ADCY2: variants seen among roughly 807,000 people sequenced by gnomAD.
The protein encoded by ADCY2 is adenylate cyclase 2, also known as adenylate cyclase type 2.
Under a neutral mutation model 125.2 loss-of-function variants are expected in ADCY2, and 31 were observed. The ratio of observed to expected loss-of-function variants is 0.25; its 90% CI spans 0.19 to 0.33. ADCY2 has a LOEUF of 0.33. ADCY2 is among the 10% of genes least tolerant of loss of function. The pLI, the probability that ADCY2 is intolerant of heterozygous loss-of-function variation, is 1.00. For missense variants in ADCY2, 904 were observed against 1,418.2 expected, an observed-to-expected ratio of 0.64 and a Z score of 5.82; for synonymous variants, 512 against 548.4, an observed-to-expected ratio of 0.93 and a Z score of 0.93.
intron 17 of ADCY2, among the ~76,000 whole-genome samples, chr5:7,769,208 C>T (rs182889828): frequency 6.6e-6 from 1 of 151,858 alleles, no homozygotes; most frequent in Admixed American, 6.6e-5. Context: ...AAAGGTTTAC[C>T]AAAAACATGT....
chr5:7,506,143 G>A (rs1743804993), intron 2 of ADCY2, among the ~76,000 whole-genome samples: 1 of 152,092 alleles, frequency 6.6e-6, no homozygotes, highest in Non-Finnish European at 1.5e-5. Flanking sequence ...ATAGAAATAA[G>A]GTAGTATTTG....
At chr5:7,498,935 A>G (rs917845439) in intron 2 of ADCY2, among the ~76,000 whole-genome samples, 2 of 152,194 alleles carry the variant, frequency 1.3e-5, no homozygotes, top group African/African-American at 4.8e-5. Flanking sequence ...AAAAGGATAT[A>G]TGTTGTATGA....
At chr5:7,603,273 G>A (rs1737275822) in intron 3 of ADCY2, among the ~76,000 whole-genome samples, 2 of 152,160 alleles carry the variant, frequency 1.3e-5, no homozygotes, top group South Asian at 2.1e-4. Flanking sequence ...GAGGTAGCCA[G>A]GTAGAAGGGG....
At chr5:7,627,329 T>G (rs1394146469) in intron 4 of ADCY2, among the ~76,000 whole-genome samples, 4 of 152,144 alleles carry the variant, frequency 2.6e-5, no homozygotes, top group Non-Finnish European at 5.9e-5. Context: ...AGGAGATGTG[T>G]GGGGACCAAG....
At chr5:7,569,648 C>G (rs1368616878) in intron 3 of ADCY2, among the ~76,000 whole-genome samples, 5 of 152,082 alleles carry the variant, frequency 3.3e-5, no homozygotes, top group African/African-American at 1.2e-4. Flanking sequence ...AAGACTTTTT[C>G]ATATTCCATT....
At chr5:7,685,571 G>A (rs969166562) in intron 4 of ADCY2, among the ~76,000 whole-genome samples, 5 of 152,214 alleles carry the variant, frequency 3.3e-5, no homozygotes, top group Non-Finnish European at 7.3e-5. Flanking sequence ...AATAGTAAGA[G>A]TAAGAGTTTT....
intron 7 of ADCY2, among the ~76,000 whole-genome samples, chr5:7,704,793 G>T (rs1412640910): frequency 6.6e-6 from 1 of 151,822 alleles, no homozygotes; most frequent in Non-Finnish European, 1.5e-5. Flanking sequence ...CAGGAGAATG[G>T]CGTGAACCCG....
intron 14 of ADCY2, among the ~76,000 whole-genome samples, chr5:7,733,184 AATG>A (rs1304869648): frequency 6.6e-6 from 1 of 152,214 alleles, no homozygotes; most frequent in Non-Finnish European, 1.5e-5. Flanking sequence ...AACTAAGAAT[AATG>A]ATGTTTTACT....
Position 7,727,281 on chromosome 5 carries a change from A to C in ADCY2, c.1871+20A>C. 6.2e-7 allele frequency: 1 copy of C among 1,602,542 alleles called. No individual in the cohort carries two copies. The highest frequency in any genetic ancestry group is 8.5e-7 in the Non-Finnish European group (1 of 1,170,012). On this transcript the variant is annotated intron_variant, in intron 14 of 24. Transcript: ENST00000338316. ...GCCAAAGTAAGTACTTCTGGTTTCC[A>C]CTGGGATTCTCACCTGGGGTGCCTT...
At position 7,426,043 on chromosome 5, in the gene ADCY2, C is replaced by A. The variant is rs148640907; in HGVS notation, c.408+11273C>A. Among the ~76,000 whole-genome samples, 77 of 152,200 alleles carry A rather than the reference C, an allele frequency of 5.1e-4. 1 individual carries two copies. In the South Asian group the frequency reaches 6.4e-3, roughly 13 times the overall value. On this transcript the variant is annotated intron_variant, in intron 2 of 24. Coordinates refer to ENST00000338316, the MANE Select transcript of ADCY2 (RefSeq NM_020546.3). ...GAGAAACAAGCATGTGACTCAGAGG[C>A]GAGGTAGTAAAGTCCCTGGAAGAGT... is the stretch of plus-strand genomic sequence containing the variant.
At chr5:7,554,780 G>A (rs1431318003) in intron 3 of ADCY2, among the ~76,000 whole-genome samples, 1 of 152,110 alleles carries the variant, frequency 6.6e-6, no homozygotes, top group African/African-American at 2.4e-5. Flanking sequence ...AGATTTCATA[G>A]GATCTAGGAA....
At chr5:7,543,863 A>C (rs1352419395) in intron 3 of ADCY2, among the ~76,000 whole-genome samples, 8 of 151,766 alleles carry the variant, frequency 5.3e-5, no homozygotes, top group Admixed American at 5.2e-4. Context: ...AATACAAAAA[A>C]ATTAGCTGGG....
intron 2 of ADCY2, among the ~76,000 whole-genome samples, chr5:7,421,936 G>A (rs1467680196): frequency 1.3e-5 from 2 of 152,196 alleles, no homozygotes; most frequent in East Asian, 3.9e-4. Context: ...ACTCATGAAT[G>A]TAAAGAGAAA....
chr5:7,591,301 T>C (rs868649815), intron 3 of ADCY2, among the ~76,000 whole-genome samples: 3 of 152,322 alleles, frequency 2.0e-5, no homozygotes, highest in Middle Eastern at 3.4e-3. Context: ...GATGATACTC[T>C]TGCAATTTTT....
chr5:7,765,625 A>T (rs963826915), intron 16 of ADCY2, among the ~76,000 whole-genome samples: 2 of 152,198 alleles, frequency 1.3e-5, no homozygotes, highest in Non-Finnish European at 2.9e-5. Context: ...AAATTAGTTT[A>T]GGTATTTGAC....
chr5:7,447,477 C>T (rs1292515669), intron 2 of ADCY2, among the ~76,000 whole-genome samples: 1 of 152,170 alleles, frequency 6.6e-6, no homozygotes, highest in African/African-American at 2.4e-5. Context: ...AGGGCCTGTC[C>T]AGCTCTGTGC....
chr5:7,638,694 G>A (rs756678522), intron 4 of ADCY2, among the ~76,000 whole-genome samples: 19 of 152,266 alleles, frequency 1.2e-4, no homozygotes, highest in East Asian at 3.9e-4. Context: ...GTTGGATCCC[G>A]GATGAAGTGA....
chr5:7,746,079 C>T (rs981175072), intron 15 of ADCY2: 1 of 152,536 alleles, frequency 6.6e-6, no homozygotes, highest in Non-Finnish European at 1.5e-5. Context: ...CACAGCTCCT[C>T]CTGCCCTCCC....
At chr5:7,610,304 G>C (rs936030812) in intron 3 of ADCY2, among the ~76,000 whole-genome samples, 1 of 152,184 alleles carries the variant, frequency 6.6e-6, no homozygotes, top group African/African-American at 2.4e-5. Flanking sequence ...AATGGATTCA[G>C]TGAGATGGGC....
Sources: allele counts gnomAD v4.1 joint callset (sites outside exome capture counted in the v4.1 genomes callset), GRCh38; gene constraint gnomAD v4.1.1; transcripts MANE v1.5; gene names NCBI Gene and HGNC (gene_info 2026-07-23, HGNC 2026-07-21).